Variants in JPH2 observed in about 807,000 individuals in gnomAD.
The protein encoded by JPH2 is junctophilin-2.
JPH2 carries 38 observed loss-of-function variants against 55.9 expected under a neutral mutation model. The ratio of observed to expected loss-of-function variants is 0.68; its 90% CI spans 0.52 to 0.89. The LOEUF (loss-of-function observed/expected upper bound fraction) is 0.89. Among genes scored for constraint, JPH2 ranks in the 40% least tolerant of loss-of-function variants. The probability of loss-of-function intolerance (pLI) is 0.00; values close to 1 mark genes in which losing one functional copy is unlikely to be tolerated. For missense variants in JPH2, 964 were observed against 1,037.6 expected (o/e 0.93, Z 0.97); for synonymous variants, 480 against 472.4 (o/e 1.02, Z -0.21).
rs2072602894 is a variant in JPH2, at chr20:44,160,464, C to T, written c.380-57G>A. The T allele has an allele frequency of 1.4e-5, 22 of 1,554,762 alleles. No homozygotes were observed. The highest frequency in any genetic ancestry group is 1.7e-5 in the Non-Finnish European group (19 of 1,146,328). On this transcript the variant is annotated intron_variant, in intron 1 of 5. Coordinates refer to ENST00000372980, the MANE Select transcript of JPH2 (RefSeq NM_020433.5). This position sits in a 1 kb window ranked among gnomAD's most constrained non-coding sequence, Gnocchi z 4.9. ...GGCACGACGGGTCCCCGCGTGTGCA[C>T]GGTGGCCTGGGAGGGCAAGGGCGGG... is the stretch of plus-strand genomic sequence containing the variant.
chr20:44,127,607 T>G (rs1027480201), intron 2 of JPH2, among the ~76,000 whole-genome samples: 1 of 151,654 alleles, frequency 6.6e-6, no homozygotes, highest in Admixed American at 6.6e-5. Flanking sequence ...TGCCTCAGCC[T>G]CCCGAGTACC....
chr20:44,108,223 CGAG>C lies in JPH2; in HGVS notation c.*5292_*5294del, dbSNP rs1479316434. On this transcript the variant is annotated 3_prime_UTR_variant, in exon 6 of 6. Transcript: ENST00000372980. ...TCAATGCTGGCAAGGTAACAGATAC[CGAG>C]GACACGGGTGTTTAGCATTTGGAAC... Among the ~76,000 whole-genome samples, 1 of 152,166 alleles carries C rather than the reference CGAG, an allele frequency of 6.6e-6. No individual in the cohort carries two copies. Among genetic ancestry groups the C allele is most frequent in the Non-Finnish European group, 1.5e-5 (1 of 68,022 alleles).
intron 1 of JPH2, among the ~76,000 whole-genome samples, chr20:44,180,767 C>T (rs1051937284): frequency 6.6e-6 from 1 of 152,182 alleles, no homozygotes; most frequent in Non-Finnish European, 1.5e-5. Context: ...CAGAAAAACA[C>T]AGATAGTCTT....
intron 1 of JPH2, among the ~76,000 whole-genome samples, chr20:44,175,210 C>T (rs1211132766): frequency 1.3e-5 from 2 of 152,168 alleles, no homozygotes; most frequent in Non-Finnish European, 2.9e-5. Context: ...CACCAGTCTG[C>T]CACTGACCCC....
chr20:44,162,255 C>T (rs1189035176), intron 1 of JPH2, among the ~76,000 whole-genome samples: 1 of 152,220 alleles, frequency 6.6e-6, no homozygotes, highest in Non-Finnish European at 1.5e-5. Context: ...GACTCCTAAA[C>T]TCACCCCAGC....
intron 2 of JPH2, among the ~76,000 whole-genome samples, chr20:44,147,531 A>C (rs1328728596): frequency 6.6e-6 from 1 of 152,248 alleles, no homozygotes; most frequent in Non-Finnish European, 1.5e-5. Context: ...GAAAAACAAA[A>C]ACGAACAAAA....
intron 2 of JPH2, among the ~76,000 whole-genome samples, chr20:44,140,635 G>C (rs1441926235): frequency 6.6e-6 from 1 of 151,856 alleles, no homozygotes; most frequent in Admixed American, 6.6e-5. Flanking sequence ...CTCCTATCTG[G>C]TCCTATGGCA....
intron 2 of JPH2, among the ~76,000 whole-genome samples, chr20:44,158,267 A>G (rs1308897375): frequency 6.6e-6 from 1 of 152,222 alleles, no homozygotes; most frequent in East Asian, 1.9e-4. Flanking sequence ...TGAGTGGCAA[A>G]GGAACCAGTA....
intron 1 of JPH2, among the ~76,000 whole-genome samples, chr20:44,162,659 CG>C (rs1405376082): frequency 5.3e-5 from 8 of 150,244 alleles, no homozygotes; most frequent in African/African-American, 2.0e-4. Context: ...CTTTGGGACT[CG>C]GACTGGCTTC....
rs1439103615 is a variant in JPH2 at position 44,172,120 on chromosome 20, G to A, written c.380-11713C>T. 3.3e-5 allele frequency among the ~76,000 whole-genome samples: 5 copies of A among 152,132 alleles called. No homozygotes were observed. The East Asian group carries it at 9.6e-4, about 29-fold the overall frequency. ...AGATCTCGGGCTCTCAACAAAGGTT[G>A]GCTCCTTTCACTTCATGGGAAAAGA... is the stretch of plus-strand genomic sequence containing the variant. On this transcript the variant is annotated intron_variant, in intron 1 of 5. Coordinates refer to ENST00000372980, the MANE Select transcript of JPH2 (RefSeq NM_020433.5).
At chr20:44,124,892 G>A (rs1269191087) in intron 2 of JPH2, among the ~76,000 whole-genome samples, 1 of 151,918 alleles carries the variant, frequency 6.6e-6, no homozygotes, top group Non-Finnish European at 1.5e-5. Flanking sequence ...TGGATCACTT[G>A]AGACTAGGAG....
chr20:44,156,585 A>G (rs999429419), intron 2 of JPH2, among the ~76,000 whole-genome samples: 1 of 152,108 alleles, frequency 6.6e-6, no homozygotes, highest in African/African-American at 2.4e-5. Flanking sequence ...CCAAAATGGC[A>G]CTTCGCACAC....
At chr20:44,126,208 A>AG (rs368251472) in intron 2 of JPH2, among the ~76,000 whole-genome samples, 1 of 49,424 alleles carries the variant, frequency 2.0e-5, no homozygotes, top group Non-Finnish European at 3.9e-5. Flanking sequence ...GGAAGGAAGA[A>AG]GGGGGGGAGG....
intron 2 of JPH2, among the ~76,000 whole-genome samples, chr20:44,149,926 C>T (rs144643778): frequency 1.5e-4 from 21 of 139,092 alleles, no homozygotes; most frequent in African/African-American, 5.4e-4. Context: ...TGCAGTGAGC[C>T]GAGATCATCC....
At chr20:44,152,199 G>A (rs906596761) in intron 2 of JPH2, among the ~76,000 whole-genome samples, 21 of 152,332 alleles carry the variant, frequency 1.4e-4, no homozygotes, top group Admixed American at 3.9e-4. Flanking sequence ...AAAACCAACC[G>A]AAGGTCAGAT....
chr20:44,129,567 AAAC>A (rs376627599), intron 2 of JPH2, among the ~76,000 whole-genome samples: 2,606 of 70,492 alleles, frequency 0.037, 65 homozygotes, highest in East Asian at 0.084. Flanking sequence ...AAAAAAAAAA[AAAC>A]AAAAAAAACA....
In JPH2 at chr20:44,107,425, C is replaced by CA. The variant is rs1252095154; in HGVS notation, c.*6092dup. The stretch of plus-strand genomic sequence containing the variant: ...AGCCTCCCTTGAAGCTAGTTGAGGC[C>CA]AAACAACTGAGCTCTGGCTAGTGGA... On this transcript the variant is annotated 3_prime_UTR_variant, in exon 6 of 6. Coordinates refer to ENST00000372980, the MANE Select transcript of JPH2 (RefSeq NM_020433.5). Among the ~76,000 whole-genome samples the CA allele has an allele frequency of 1.3e-5, 2 of 152,176 alleles. No individual in the cohort carries two copies. The highest frequency in any genetic ancestry group is 2.9e-5 in the Non-Finnish European group (2 of 68,034).
At position 44,177,141 on chromosome 20, in the gene JPH2, G is replaced by T. The variant is rs1003021478; in HGVS notation, c.379+9186C>A. 11 of 985,466 alleles carry T rather than the reference G, an allele frequency of 1.1e-5. No individual in the cohort carries two copies. In the African/African-American group the frequency reaches 1.9e-4, roughly 17 times the overall value. The allele number at this position is 985,466 out of a possible 1,614,324, so 61.0% of individuals were successfully genotyped here. A position where few individuals can be genotyped will look rare whatever the true frequency, so the allele number is the denominator to read the frequency against. On this transcript the variant is annotated intron_variant, in intron 1 of 5. Coordinates refer to ENST00000372980, the MANE Select transcript of JPH2 (RefSeq NM_020433.5). ...AGTGAAAGTTACACGGGAGGGAGGT[G>T]TGCCAGCCCTAACTTCTCTCCTACT... is the stretch of plus-strand genomic sequence containing the variant.
At chr20:44,119,058 C>T (rs1376663471) in intron 2 of JPH2, among the ~76,000 whole-genome samples, 1 of 152,190 alleles carries the variant, frequency 6.6e-6, no homozygotes, top group Non-Finnish European at 1.5e-5. Flanking sequence ...CTATGGATCC[C>T]TTCTCAGAAT....
Sources: allele counts gnomAD v4.1 joint callset (sites outside exome capture counted in the v4.1 genomes callset), GRCh38; gene constraint gnomAD v4.1.1; non-coding constraint Gnocchi (gnomAD v3.1); transcripts MANE v1.5; gene names NCBI Gene and HGNC (gene_info 2026-07-23, HGNC 2026-07-21).